DNAAF4: variants seen among roughly 807,000 people sequenced by gnomAD.
The protein encoded by DNAAF4 is dynein axonemal assembly factor 4.
In DNAAF4, 43 loss-of-function variants were observed where a neutral mutation model predicts 51.8. That is an observed-to-expected ratio of 0.83 (90% CI 0.65 to 1.07). The LOEUF is 1.07. Ranked by LOEUF, DNAAF4 falls within the 50% of genes least tolerant of loss-of-function variation. DNAAF4 has a pLI of 0.00. For synonymous variants in DNAAF4, 194 were observed against 165.6 expected (o/e 1.17, Z -1.32); for missense variants, 581 against 493.0 (o/e 1.18, Z -1.69).
At chr15:55,431,941 T>C (rs116953047) in intron 9 of DNAAF4, among the ~76,000 whole-genome samples, 18 of 151,800 alleles carry the variant, frequency 1.2e-4, no homozygotes, top group African/African-American at 3.9e-4. Flanking sequence ...CTATGAAGAG[T>C]TGTCTGGTAA....
At chr15:55,449,305 A>T (rs913243130) in intron 6 of DNAAF4, among the ~76,000 whole-genome samples, 1 of 151,572 alleles carries the variant, frequency 6.6e-6, no homozygotes, top group Non-Finnish European at 1.5e-5. Context: ...TTATGTCTTA[A>T]GGATCTTCTT....
intron 5 of DNAAF4, among the ~76,000 whole-genome samples, chr15:55,457,002 C>T (rs1008565721): frequency 6.6e-6 from 1 of 152,166 alleles, no homozygotes; most frequent in Non-Finnish European, 1.5e-5. Context: ...ATAATTTTGA[C>T]TGAGCAGGAA....
chr15:55,461,844 A>G (rs1040058927), intron 5 of DNAAF4, among the ~76,000 whole-genome samples: 1 of 152,216 alleles, frequency 6.6e-6, no homozygotes, highest in Non-Finnish European at 1.5e-5. Flanking sequence ...ATTAAACAAA[A>G]TGCTGGTTCT....
chr15:55,483,400 G>A (rs1054054756), intron 4 of DNAAF4, among the ~76,000 whole-genome samples: 8 of 150,846 alleles, frequency 5.3e-5, no homozygotes, highest in Non-Finnish European at 1.0e-4. Flanking sequence ...TGGCCAATAG[G>A]TCTCTTTTTA....
intron 3 of DNAAF4, among the ~76,000 whole-genome samples, chr15:55,494,055 G>A (rs2058608240): frequency 6.7e-6 from 1 of 149,200 alleles, no homozygotes; most frequent in African/African-American, 2.5e-5. Context: ...TTGAGACTGA[G>A]TTTCGCTCTT....
At position 55,473,187 on chromosome 15, in the gene DNAAF4, T is replaced by TAAAAA. The variant is rs879351208; in HGVS notation, c.406-6031_406-6027dup. 8.7e-3 allele frequency among the ~76,000 whole-genome samples: 239 copies of TAAAAA among 27,520 alleles called. 23 individuals are homozygous for TAAAAA. Among genetic ancestry groups the TAAAAA allele is most frequent in the East Asian group, 0.035 (19 of 544 alleles). 18.1% of individuals were successfully genotyped at this position (27,520 alleles called of 152,430 possible). On this transcript the variant is annotated intron_variant, in intron 4 of 9. Transcript: ENST00000321149. Reference sequence around the variant, plus strand: ...CCTCAAAACAAACAAAAAAAAAACCTAAAAAAAAAAAATATATATATATAT... The same window carrying TAAAAA: ...CCTCAAAACAAACAAAAAAAAAACCTAAAAAAAAAAAAAAAAATATATATATATAT...
At position 55,498,457 on chromosome 15, in the gene DNAAF4, G is replaced by A. The variant is rs2058669727; in HGVS notation, c.-128C>T. ...CGGCCGGGAGCCCGGCGTTCCCAGC[G>A]TGCTCCGGCGCCAGCACCTCGCGGA... On this transcript the variant is annotated 5_prime_UTR_variant, in exon 2 of 10. The change creates a new upstream start codon in the 5' untranslated region. Coordinates refer to ENST00000321149, the MANE Select transcript of DNAAF4 (RefSeq NM_130810.4). 1.4e-6 allele frequency: 2 copies of A among 1,406,992 alleles called. No individual in the cohort carries two copies. Among genetic ancestry groups the A allele is most frequent in the South Asian group, 1.5e-5 (1 of 67,764 alleles). The allele number at this position is 1,406,992 out of a possible 1,614,324, so 87.2% of individuals were successfully genotyped here.
At chr15:55,418,920 C>G (rs910564043) in intron 7 of DNAAF4, among the ~76,000 whole-genome samples, 5 of 36,956 alleles carry the variant, frequency 1.4e-4, no homozygotes, top group African/African-American at 3.9e-4. Flanking sequence ...AACAATTTCA[C>G]ACTTTTTTTT....
At chr15:55,454,338 A>G (rs2141471701) in intron 5 of DNAAF4, among the ~76,000 whole-genome samples, 1 of 152,068 alleles carries the variant, frequency 6.6e-6, no homozygotes, top group South Asian at 2.1e-4. Flanking sequence ...TTGAAAATAT[A>G]TATTGAAAAC....
intron 5 of DNAAF4, among the ~76,000 whole-genome samples, chr15:55,457,045 C>G (rs1276093836): frequency 6.6e-6 from 1 of 152,074 alleles, no homozygotes; most frequent in Admixed American, 6.6e-5. Flanking sequence ...GCAGAGGGGG[C>G]AAATGGGAAG....
At chr15:55,431,568 G>A (rs757809229) in intron 9 of DNAAF4, among the ~76,000 whole-genome samples, 19 of 150,466 alleles carry the variant, frequency 1.3e-4, no homozygotes, top group African/African-American at 3.2e-4. Flanking sequence ...TCTGCCTTCC[G>A]GGTTCACGCC....
intron 5 of DNAAF4, among the ~76,000 whole-genome samples, chr15:55,453,698 C>T (rs1011454156): frequency 2.6e-5 from 4 of 151,562 alleles, no homozygotes; most frequent in African/African-American, 7.3e-5. Flanking sequence ...CTACAGGCAC[C>T]CACCACCACG....
At chr15:55,441,820 G>C (rs914358468) in intron 6 of DNAAF4, among the ~76,000 whole-genome samples, 4 of 152,130 alleles carry the variant, frequency 2.6e-5, no homozygotes, top group Non-Finnish European at 5.9e-5. Context: ...AAATGGCACA[G>C]TGGTTTAATC....
intron 7 of DNAAF4, chr15:55,418,737 G>T (rs1765266927): frequency 1.9e-6 from 1 of 523,262 alleles, no homozygotes; most frequent in Non-Finnish European, 3.2e-6. Context: ...CTTTTTAAAT[G>T]AAAATATGTT....
chr15:55,437,349 A>G (rs545638272), intron 7 of DNAAF4, among the ~76,000 whole-genome samples: 1 of 152,344 alleles, frequency 6.6e-6, no homozygotes, highest in Admixed American at 6.5e-5. Flanking sequence ...AGAAGAACCA[A>G]CCTGTCAGTT....
At chr15:55,459,720 T>C (rs1449800200) in intron 5 of DNAAF4, among the ~76,000 whole-genome samples, 2 of 151,970 alleles carry the variant, frequency 1.3e-5, no homozygotes, top group East Asian at 1.9e-4. Flanking sequence ...CTTTTTTTTT[T>C]TGAGACAGAG....
At chr15:55,455,588 C>T (rs1038551046) in intron 5 of DNAAF4, among the ~76,000 whole-genome samples, 1 of 151,882 alleles carries the variant, frequency 6.6e-6, no homozygotes, top group Non-Finnish European at 1.5e-5. Context: ...CATGCCACCA[C>T]ACCTGGCTAA....
intron 4 of DNAAF4, among the ~76,000 whole-genome samples, chr15:55,476,479 T>C (rs940680600): frequency 7.2e-5 from 11 of 152,290 alleles, no homozygotes; most frequent in African/African-American, 1.9e-4. Flanking sequence ...AGGAAAATGA[T>C]ACCAGATATT....
At chr15:55,471,766 G>A (rs959838920) in intron 4 of DNAAF4, among the ~76,000 whole-genome samples, 10 of 152,082 alleles carry the variant, frequency 6.6e-5, no homozygotes, top group Non-Finnish European at 1.5e-4. Context: ...GCCCGCCTCG[G>A]CCTCCCAAAG....
Sources: allele counts gnomAD v4.1 joint callset (sites outside exome capture counted in the v4.1 genomes callset), GRCh38; gene constraint gnomAD v4.1.1; transcripts MANE v1.5; gene names NCBI Gene and HGNC (gene_info 2026-07-23, HGNC 2026-07-21).